The following ATP8B4 variants were observed in gnomAD, a reference collection of about 807,000 sequenced individuals.
ATP8B4 encodes the protein ATPase phospholipid transporting 8B4 (putative).
ATP8B4 carries 133 observed loss-of-function variants against 145.6 expected under a neutral mutation model. The observed-to-expected ratio is 0.91, with a 90% CI of 0.79 to 1.05. The LOEUF (loss-of-function observed/expected upper bound fraction) is 1.05, where lower values mean the gene tolerates loss of function less well. ATP8B4 is among the 50% of genes least tolerant of loss of function. ATP8B4 has a pLI of 0.00. For synonymous variants in ATP8B4, 507 were observed against 492.9 expected (o/e 1.03, Z -0.38); for missense variants, 1,458 against 1,425.2 (o/e 1.02, Z -0.37).
intron 25 of ATP8B4, among the ~76,000 whole-genome samples, chr15:49,873,485 A>G (rs956546318): frequency 2.0e-5 from 3 of 152,212 alleles, no homozygotes; most frequent in Non-Finnish European, 4.4e-5. Flanking sequence ...AAATAAGATA[A>G]ATGCTTGTGA....
At chr15:50,066,055 A>G (rs894106639) in intron 3 of ATP8B4, among the ~76,000 whole-genome samples, 2 of 151,902 alleles carry the variant, frequency 1.3e-5, no homozygotes, top group African/African-American at 4.8e-5. Flanking sequence ...GAAACAAGAA[A>G]CCAGACGAAT....
intron 1 of ATP8B4, among the ~76,000 whole-genome samples, chr15:50,161,852 A>G (rs1389226674): frequency 6.6e-6 from 1 of 152,110 alleles, no homozygotes; most frequent in Non-Finnish European, 1.5e-5. Context: ...ATTATCAGTG[A>G]GTTTTGTACC....
rs1295651041 is a variant in ATP8B4 at position 49,859,393 on chromosome 15, A to G, written c.*801T>C. On this transcript the variant is annotated 3_prime_UTR_variant, in exon 28 of 28. Coordinates refer to ENST00000284509, the MANE Select transcript of ATP8B4 (RefSeq NM_024837.4). Reference sequence around the variant, plus strand: ...TTTGCTGATTCTATTAATGGTCTGGATGATGCTCAGCAAATTACTACTGAG... The same window carrying G: ...TTTGCTGATTCTATTAATGGTCTGGGTGATGCTCAGCAAATTACTACTGAG... The G allele has an allele frequency of 6.6e-6, 1 of 152,230 alleles. No homozygotes were observed. Among genetic ancestry groups the G allele is most frequent in the East Asian group, 1.9e-4 (1 of 5,198 alleles). 9.4% of individuals were successfully genotyped at this position (152,230 alleles called of 1,614,324 possible). A position where few individuals can be genotyped will look rare whatever the true frequency, so the allele number is the denominator to read the frequency against.
chr15:49,888,994 A>G (rs1334880397), intron 23 of ATP8B4, among the ~76,000 whole-genome samples: 1 of 152,076 alleles, frequency 6.6e-6, no homozygotes, highest in Non-Finnish European at 1.5e-5. Flanking sequence ...CTCTTTCAAT[A>G]GAGAGCTCAT....
At chr15:50,105,118 G>C (rs1017000509) in intron 2 of ATP8B4, among the ~76,000 whole-genome samples, 1 of 151,964 alleles carries the variant, frequency 6.6e-6, no homozygotes, top group Non-Finnish European at 1.5e-5. Flanking sequence ...GGCAGGGAGA[G>C]TGAGGGAAAA....
At chr15:49,975,983 G>C (rs1459547251) in intron 12 of ATP8B4, among the ~76,000 whole-genome samples, 1 of 152,144 alleles carries the variant, frequency 6.6e-6, no homozygotes, top group African/African-American at 2.4e-5. Flanking sequence ...TGTAAAGTGA[G>C]AAAGTTGGGC....
chr15:49,997,326 C>G (rs2047510732), intron 8 of ATP8B4, among the ~76,000 whole-genome samples: 3 of 152,088 alleles, frequency 2.0e-5, no homozygotes, highest in African/African-American at 7.2e-5. Flanking sequence ...ATAGGTGAGA[C>G]CACACATATT....
intron 6 of ATP8B4, among the ~76,000 whole-genome samples, chr15:50,011,459 C>T (rs1273236982): frequency 1.3e-5 from 2 of 152,156 alleles, no homozygotes; most frequent in Non-Finnish European, 2.9e-5. Flanking sequence ...TACAAACCAG[C>T]ACTGAGGCTG....
At chr15:50,143,768 C>A (rs574755180) in intron 1 of ATP8B4, among the ~76,000 whole-genome samples, 1 of 152,112 alleles carries the variant, frequency 6.6e-6, no homozygotes, top group Non-Finnish European at 1.5e-5. Context: ...GCATTCCTGA[C>A]AGATGGAACA....
chr15:50,152,862 T>C (rs1260513407), intron 1 of ATP8B4, among the ~76,000 whole-genome samples: 2 of 152,308 alleles, frequency 1.3e-5, no homozygotes, highest in Non-Finnish European at 2.9e-5. Flanking sequence ...CTTGATAAAA[T>C]GTAATATTTT....
chr15:49,901,281 A>G, intron 20 of ATP8B4, 42 bp from the exon 21 acceptor site: 2 of 1,575,290 alleles, frequency 1.3e-6, no homozygotes, highest in South Asian at 2.3e-5. Context: ...CAAAGCATAC[A>G]GAGCATGCCT....
chr15:50,069,708 T>G (rs1487600432), intron 3 of ATP8B4, among the ~76,000 whole-genome samples: 1 of 152,212 alleles, frequency 6.6e-6, no homozygotes, highest in African/African-American at 2.4e-5. Context: ...TTGTTTTATT[T>G]GTATTTTGTT....
At chr15:50,012,012 CAAAT>C (rs939401128) in intron 6 of ATP8B4, among the ~76,000 whole-genome samples, 8 of 152,142 alleles carry the variant, frequency 5.3e-5, no homozygotes, top group Admixed American at 5.2e-4. Context: ...CTTAAACACT[CAAAT>C]AATTTTTCTT....
At chr15:50,175,769 C>T (rs1797320) in intron 1 of ATP8B4, among the ~76,000 whole-genome samples, 114,757 of 152,108 alleles carry the variant, frequency 0.75, 44,982 homozygotes, top group East Asian at 0.94. Flanking sequence ...ACTAGTACAG[C>T]CACTATGGAA....
chr15:49,877,748 G>A (rs77558937), intron 24 of ATP8B4, among the ~76,000 whole-genome samples: 4,426 of 152,116 alleles, frequency 0.029, 115 homozygotes, highest in African/African-American at 0.071. Flanking sequence ...TGGAACTATC[G>A]CCATGATTAA....
At chr15:50,029,524 C>A (rs1408422443) in intron 6 of ATP8B4, among the ~76,000 whole-genome samples, 1 of 152,090 alleles carries the variant, frequency 6.6e-6, no homozygotes, top group Non-Finnish European at 1.5e-5. Flanking sequence ...GGTTTAGAGT[C>A]CACCCTAATC....
chr15:50,061,524 A>G (rs1244156446), intron 3 of ATP8B4, among the ~76,000 whole-genome samples: 1 of 152,182 alleles, frequency 6.6e-6, no homozygotes, highest in Non-Finnish European at 1.5e-5. Context: ...AAAATATCTG[A>G]TTGATTTTAA....
intron 4 of ATP8B4, 54 bp downstream of exon 4, chr15:50,047,297 T>G: frequency 8.6e-7 from 1 of 1,157,094 alleles, no homozygotes; most frequent in Non-Finnish European, 1.3e-6. Context: ...CTTTTTACAA[T>G]TTTATGAATA....
chr15:49,877,079 G>C (rs1371717529), intron 24 of ATP8B4, among the ~76,000 whole-genome samples: 1 of 152,138 alleles, frequency 6.6e-6, no homozygotes, highest in African/African-American at 2.4e-5. Flanking sequence ...AAGGAGGCTG[G>C]GATGAGGATC....
Sources: gnomAD v4.1 joint callset for allele counts (sites outside exome capture counted in the v4.1 genomes callset) on GRCh38, gnomAD v4.1.1 for gene constraint, MANE v1.5 for transcripts, NCBI Gene and HGNC (gene_info 2026-07-23, HGNC 2026-07-21) for gene names.